POLN: variants seen among roughly 807,000 people sequenced by gnomAD.
POLN encodes the protein DNA polymerase N.
In POLN, 108 loss-of-function variants were observed where a neutral mutation model predicts 113.5. The ratio of observed to expected loss-of-function variants is 0.95; its 90% CI spans 0.81 to 1.12. The LOEUF is 1.12. POLN is among the 50% of genes most tolerant of loss of function. POLN has a pLI of 0.00. For missense variants in POLN, 1,097 were observed against 1,077.1 expected, an observed-to-expected ratio of 1.02 and a Z score of -0.26; for synonymous variants, 386 against 391.5, an observed-to-expected ratio of 0.99 and a Z score of 0.17.
At chr4:2,191,134 T>G (rs1038290851) in intron 7 of POLN, among the ~76,000 whole-genome samples, 6 of 152,044 alleles carry the variant, frequency 3.9e-5, no homozygotes, top group Non-Finnish European at 4.4e-5. Context: ...AACAGATAAA[T>G]AAAGAAAATG....
At position 2,238,762 on chromosome 4, in the gene POLN, C is replaced by T. The variant is rs746249743; in HGVS notation, c.-13+2758G>A. On this transcript the variant is annotated intron_variant, in intron 2 of 25. Coordinates refer to ENST00000511885, the MANE Select transcript of POLN (RefSeq NM_181808.4). ...CAAGTTGACGATATATGTCCCGATG[C>T]TTTCTTAATTCAATTTCATATGATA... 2.2e-5 allele frequency: 36 copies of T among 1,613,758 alleles called. 1 individual carries two copies. In the Admixed American group the frequency reaches 5.7e-4, roughly 25 times the overall value.
chr4:2,177,980 C>G (rs1319547938), intron 8 of POLN, among the ~76,000 whole-genome samples: 1 of 152,232 alleles, frequency 6.6e-6, no homozygotes, highest in Non-Finnish European at 1.5e-5. Context: ...TACTGCCTTT[C>G]CTCTGATTCT....
At chr4:2,100,052 A>C (rs1730885647) in intron 19 of POLN, among the ~76,000 whole-genome samples, 2 of 146,402 alleles carry the variant, frequency 1.4e-5, no homozygotes, top group Non-Finnish European at 3.0e-5. Flanking sequence ...CCTGGGTGAC[A>C]GAGTGAGACC....
Position 2,233,280 on chromosome 4 carries a change from C to T in POLN, c.-12-4037G>A, listed in dbSNP as rs57649231. The stretch of plus-strand genomic sequence containing the variant: ...AAAGATCATACAGTTGCTAAAACAA[C>T]ATTGCTACAGATACTGAAGTTCAGC... On this transcript the variant is annotated intron_variant, in intron 2 of 25. Transcript: ENST00000511885. Among the ~76,000 whole-genome samples, 705 of 152,246 alleles carry T rather than the reference C, an allele frequency of 4.6e-3. 5 individuals carry two copies. Among genetic ancestry groups the T allele is most frequent in the African/African-American group, 0.016 (665 of 41,548 alleles).
intron 16 of POLN, among the ~76,000 whole-genome samples, chr4:2,154,084 G>C (rs1048999323): frequency 1.0e-4 from 15 of 149,448 alleles, no homozygotes; most frequent in African/African-American, 3.4e-4. Context: ...TGTAGTCCTA[G>C]CTACTCGGGA....
intron 2 of POLN, chr4:2,239,121 C>G (rs1189255523): frequency 6.3e-5 from 44 of 702,678 alleles, no homozygotes; most frequent in Non-Finnish European, 7.3e-5. Context: ...TCACTTTCCA[C>G]TTTAGGTGAC....
chr4:2,107,423 T>G (rs976042570), intron 19 of POLN, among the ~76,000 whole-genome samples: 1 of 152,218 alleles, frequency 6.6e-6, no homozygotes, highest in Non-Finnish European at 1.5e-5. Flanking sequence ...TCATGTGTGA[T>G]CTTGCTGTTG....
chr4:2,213,219 A>G (rs1734035205), intron 3 of POLN, 93 bp from the exon 4 acceptor site: 1 of 675,288 alleles, frequency 1.5e-6, no homozygotes, highest in Admixed American at 3.3e-5. Flanking sequence ...AACCTCTATA[A>G]TCATGCTTAT....
rs765518897 is a variant in POLN at position 2,091,761 on chromosome 4, CTGTG to C, written c.2065+4086_2065+4089del. 9.0e-3 allele frequency among the ~76,000 whole-genome samples: 1,300 copies of C among 145,196 alleles called. 5 individuals carry two copies. Among genetic ancestry groups the C allele is most frequent in the African/African-American group, 0.017 (665 of 38,944 alleles). On this transcript the variant is annotated intron_variant, in intron 20 of 25. Coordinates refer to ENST00000511885, the MANE Select transcript of POLN (RefSeq NM_181808.4). Reference sequence around the variant, plus strand: ...CCCTATCCGGTGGGTACACGTGAATCTGTGTGTGTGTGTGTGTGTGTGTGTGTGT... The same window carrying C: ...CCCTATCCGGTGGGTACACGTGAATCTGTGTGTGTGTGTGTGTGTGTGTGT...
intron 16 of POLN, among the ~76,000 whole-genome samples, chr4:2,137,720 A>G (rs967054653): frequency 2.6e-5 from 4 of 151,888 alleles, no homozygotes; most frequent in Admixed American, 6.6e-5. Context: ...CCCCCACTAC[A>G]TACGTTCCAT....
chr4:2,207,679 T>C (rs769986619), intron 5 of POLN, among the ~76,000 whole-genome samples: 17 of 152,064 alleles, frequency 1.1e-4, no homozygotes, highest in Non-Finnish European at 2.4e-4. Context: ...AAAACCACTA[T>C]GAAATACCAC....
chr4:2,201,917 G>A (rs914718996), intron 5 of POLN, among the ~76,000 whole-genome samples: 1 of 152,066 alleles, frequency 6.6e-6, no homozygotes, highest in Non-Finnish European at 1.5e-5. Context: ...TGTATCCAAC[G>A]AAACTAAGCT....
intron 19 of POLN, among the ~76,000 whole-genome samples, chr4:2,125,029 G>T (rs1163838688): frequency 6.6e-6 from 1 of 152,186 alleles, no homozygotes; most frequent in East Asian, 1.9e-4. Context: ...TTTCTTTCTA[G>T]GGTTATATTT....
chr4:2,159,509 C>T (rs763711579), intron 13 of POLN, among the ~76,000 whole-genome samples: 1 of 152,182 alleles, frequency 6.6e-6, no homozygotes, highest in Non-Finnish European at 1.5e-5. Flanking sequence ...TCAGTGCCTA[C>T]AAACGTATAG....
intron 3 of POLN, among the ~76,000 whole-genome samples, chr4:2,223,395 G>T (rs1323355596): frequency 1.3e-5 from 2 of 152,160 alleles, no homozygotes; most frequent in Non-Finnish European, 2.9e-5. Context: ...TCTCATAGGA[G>T]CAAGAACTGT....
intron 16 of POLN, among the ~76,000 whole-genome samples, chr4:2,142,813 T>C (rs1408091961): frequency 6.6e-6 from 1 of 152,002 alleles, no homozygotes; most frequent in Non-Finnish European, 1.5e-5. Context: ...AAACCCGTGA[T>C]TGTGGTTTTT....
At chr4:2,081,435 C>G in intron 22 of POLN, 198 bp downstream of exon 22, 3 of 639,076 alleles carry the variant, frequency 4.7e-6, no homozygotes, top group Middle Eastern at 4.3e-4. Flanking sequence ...ATCATCCTAG[C>G]TACAAAGATG....
chr4:2,091,751 ACACGTGAAT>A (rs775463903), intron 20 of POLN, among the ~76,000 whole-genome samples: 2 of 147,930 alleles, frequency 1.4e-5, no homozygotes, highest in Non-Finnish European at 3.0e-5. Flanking sequence ...TCCGGTGGGT[ACACGTGAAT>A]CTGTGTGTGT....
chr4:2,135,539 C>T (rs1233148634), intron 16 of POLN, among the ~76,000 whole-genome samples: 4 of 152,222 alleles, frequency 2.6e-5, no homozygotes, highest in African/African-American at 9.6e-5. Context: ...GTCCCTAACG[C>T]CTCATGAGCA....
Sources: gnomAD v4.1 joint callset for allele counts (sites outside exome capture counted in the v4.1 genomes callset) on GRCh38, gnomAD v4.1.1 for gene constraint, MANE v1.5 for transcripts, NCBI Gene and HGNC (gene_info 2026-07-23, HGNC 2026-07-21) for gene names.